The following ST6GAL1 variants were observed in gnomAD, a reference collection of about 807,000 sequenced individuals.
ST6GAL1 encodes beta-galactoside alpha-2,6-sialyltransferase 1.
Under a neutral mutation model 38.0 loss-of-function variants are expected in ST6GAL1, and 20 were observed. That is an observed-to-expected ratio of 0.53 (90% CI 0.37 to 0.77). The LOEUF is 0.77. ST6GAL1 is among the 30% of genes least tolerant of loss of function. ST6GAL1 has a pLI of 0.00. For missense variants in ST6GAL1, 432 were observed against 496.4 expected (o/e 0.87, Z 1.23); for synonymous variants, 196 against 188.2 (o/e 1.04, Z -0.34).
In ST6GAL1 at chr3:187,075,401, T is replaced by C. The variant is rs1719525305; in HGVS notation, c.980-161T>C. On this transcript the variant is annotated intron_variant, in intron 7 of 7. Coordinates refer to ENST00000169298, the MANE Select transcript of ST6GAL1 (RefSeq NM_173216.2). This position sits in a 1 kb window ranked among gnomAD's most constrained non-coding sequence, Gnocchi z 4.1. ...TGCATCCTAAGGAACACTGCTGGGC[T>C]TGGCTTGCTGAAACTTAGATTGGGA... Among the ~76,000 whole-genome samples the C allele has an allele frequency of 6.6e-6, 1 of 152,216 alleles. No homozygotes were observed. Among genetic ancestry groups the C allele is most frequent in the Non-Finnish European group, 1.5e-5 (1 of 68,038 alleles).
chr3:187,064,533 A>G (rs748845064), intron 5 of ST6GAL1: 3 of 456,586 alleles, frequency 6.6e-6, no homozygotes, highest in African/African-American at 6.0e-5. Context: ...TCTGTGCACC[A>G]TTGTGCCAGG....
chr3:187,036,545 A>G (rs1160657130), intron 2 of ST6GAL1, among the ~76,000 whole-genome samples: 3 of 152,362 alleles, frequency 2.0e-5, no homozygotes, highest in African/African-American at 7.2e-5. Flanking sequence ...TGGTACATAT[A>G]CACTGTGGAA....
intron 2 of ST6GAL1, chr3:186,996,731 G>C (rs1049943479): frequency 6.6e-6 from 1 of 152,094 alleles, no homozygotes; most frequent in African/African-American, 2.4e-5. Context: ...ATACCCTGAT[G>C]TTTTCTTTGC....
Position 186,963,231 on chromosome 3 carries a change from AC to A in ST6GAL1, c.-324-553del, listed in dbSNP as rs1056325219. On this transcript the variant is annotated intron_variant, in intron 1 of 7. Transcript: ENST00000169298. ...AGAAATTAAATTCACTTTAAAAAAA[AC>A]TTTTTTTTTGAGACGGAGTTTCGCT... 7.2e-5 allele frequency among the ~76,000 whole-genome samples: 11 copies of A among 152,080 alleles called. No individual in the cohort carries two copies. In the East Asian group the frequency reaches 9.7e-4, roughly 13 times the overall value.
Position 187,066,872 on chromosome 3 carries a change from G to C in ST6GAL1, c.706-5977G>C, listed in dbSNP as rs139585443. 1.3e-3 allele frequency among the ~76,000 whole-genome samples: 198 copies of C among 152,064 alleles called. 2 individuals carry two copies. In the East Asian group the frequency reaches 0.036, roughly 27 times the overall value. ...ACTCCCCCTGCAGGTAAGTACAGGC[G>C]TTTGAGAACAGCTTTATTCTTCCAG... On this transcript the variant is annotated intron_variant, in intron 5 of 7. Coordinates refer to ENST00000169298, the MANE Select transcript of ST6GAL1 (RefSeq NM_173216.2).
At chr3:186,959,037 C>T (rs1273837482) in intron 1 of ST6GAL1, among the ~76,000 whole-genome samples, 4 of 151,748 alleles carry the variant, frequency 2.6e-5, no homozygotes, top group Non-Finnish European at 4.4e-5. Flanking sequence ...CCCCCTGTAT[C>T]CAGATTGGCA....
intron 1 of ST6GAL1, among the ~76,000 whole-genome samples, chr3:186,933,634 C>A (rs1199012200): frequency 1.3e-5 from 2 of 152,208 alleles, no homozygotes; most frequent in Non-Finnish European, 2.9e-5. Flanking sequence ...AATCATGTGA[C>A]TGGACCCTTT....
At chr3:186,946,406 G>T (rs111556918) in intron 1 of ST6GAL1, among the ~76,000 whole-genome samples, 7,805 of 151,796 alleles carry the variant, frequency 0.051, 652 homozygotes, top group African/African-American at 0.18. Flanking sequence ...TTTTGAGACA[G>T]TGTCTCATTC....
chr3:186,934,923 C>T (rs548957536), intron 1 of ST6GAL1, among the ~76,000 whole-genome samples: 10 of 152,054 alleles, frequency 6.6e-5, no homozygotes, highest in East Asian at 5.8e-4. Context: ...CCCGCCACCA[C>T]GCCCGGCTAA....
chr3:186,974,503 CAT>C (rs1418698677), intron 2 of ST6GAL1, among the ~76,000 whole-genome samples: 1 of 152,008 alleles, frequency 6.6e-6, no homozygotes, highest in Non-Finnish European at 1.5e-5. Context: ...GAAATCAACC[CAT>C]GTTAAGTATA....
intron 1 of ST6GAL1, among the ~76,000 whole-genome samples, chr3:186,939,745 C>T (rs777407930): frequency 9.2e-5 from 14 of 152,296 alleles, no homozygotes; most frequent in Non-Finnish European, 1.9e-4. Flanking sequence ...GCCGGTCTCT[C>T]ATGCCGAAGA....
At chr3:187,017,812 CA>C (rs1475938841) in intron 2 of ST6GAL1, among the ~76,000 whole-genome samples, 1 of 152,198 alleles carries the variant, frequency 6.6e-6, no homozygotes, top group Non-Finnish European at 1.5e-5. Context: ...GCGCGATCCC[CA>C]GCCCTGGAAT....
At chr3:187,028,647 A>G (rs1274148980) in intron 2 of ST6GAL1, among the ~76,000 whole-genome samples, 2 of 152,140 alleles carry the variant, frequency 1.3e-5, no homozygotes, top group African/African-American at 4.8e-5. Context: ...TCTATGTTCC[A>G]ATATCCCCAT....
At chr3:186,939,728 C>T (rs938485506) in intron 1 of ST6GAL1, among the ~76,000 whole-genome samples, 1 of 152,142 alleles carries the variant, frequency 6.6e-6, no homozygotes, top group Non-Finnish European at 1.5e-5. Flanking sequence ...ATTCAGGGAG[C>T]GTTGCTGCCG....
intron 5 of ST6GAL1, among the ~76,000 whole-genome samples, chr3:187,063,888 AT>A (rs1306221749): frequency 6.6e-6 from 1 of 152,204 alleles, no homozygotes; most frequent in Non-Finnish European, 1.5e-5. Context: ...TAACACAGAA[AT>A]ATGAATAGTT....
chr3:186,997,465 G>T (rs1463090511), intron 2 of ST6GAL1, among the ~76,000 whole-genome samples: 3 of 152,148 alleles, frequency 2.0e-5, no homozygotes, highest in Non-Finnish European at 4.4e-5. Flanking sequence ...CCAGCCTAAA[G>T]ATTAAGGGTT....
chr3:187,068,589 T>C (rs1489513496), intron 5 of ST6GAL1, among the ~76,000 whole-genome samples: 1 of 152,176 alleles, frequency 6.6e-6, no homozygotes, highest in Non-Finnish European at 1.5e-5. Flanking sequence ...TTTTCACATA[T>C]TGTAAAGAAG....
intron 5 of ST6GAL1, chr3:187,064,720 A>T (rs2108597157): frequency 2.3e-6 from 1 of 435,030 alleles, no homozygotes; most frequent in African/African-American, 2.0e-5. Context: ...TTGTGGTGGT[A>T]CTGAACTGTG....
Position 187,043,072 on chromosome 3 carries a change from AGTGTCCTACAAGG to A in ST6GAL1, c.371_383del (p.Val124GlyfsTer21). The stretch of plus-strand genomic sequence containing the variant: ...ATTACCTAAGCATGAACAAGTACAA[AGTGTCCTACAAGG>A]GGCCAGGACCAGGCATCAAGTTCAG... On this transcript the variant is annotated frameshift_variant, in exon 4 of 8. Coordinates refer to ENST00000169298, the MANE Select transcript of ST6GAL1 (RefSeq NM_173216.2). LOFTEE classifies it high-confidence loss of function. 2 of 1,614,198 alleles carry A rather than the reference AGTGTCCTACAAGG, an allele frequency of 1.2e-6. No homozygotes were observed. Among genetic ancestry groups the A allele is most frequent in the Non-Finnish European group, 8.5e-7 (1 of 1,180,042 alleles).
Sources: gnomAD v4.1 joint callset for allele counts (sites outside exome capture counted in the v4.1 genomes callset) on GRCh38, gnomAD v4.1.1 for gene constraint, Gnocchi (gnomAD v3.1) non-coding constraint, MANE v1.5 for transcripts, NCBI Gene and HGNC (gene_info 2026-07-23, HGNC 2026-07-21) for gene names.